Variants in SHD observed in about 807,000 individuals in gnomAD.
SHD encodes the protein Src homology 2 domain containing transforming protein D.
Under a neutral mutation model 31.2 loss-of-function variants are expected in SHD, and 29 were observed. The observed-to-expected ratio is 0.93, with a 90% confidence interval of 0.69 to 1.27. The LOEUF (loss-of-function observed/expected upper bound fraction) is 1.27, where lower values mean the gene tolerates loss of function less well. Among genes scored for constraint, SHD ranks in the 50% most tolerant of loss-of-function variants. SHD has a pLI of 0.00. For missense variants in SHD, 520 were observed against 453.8 expected (o/e 1.15, Z -1.33); for synonymous variants, 208 against 187.8 (o/e 1.11, Z -0.88).
Position 4,280,040 on chromosome 19 carries a change from C to T in SHD, c.-24C>T, listed in dbSNP as rs1394102094. 1 of 1,570,378 alleles carries T rather than the reference C, an allele frequency of 6.4e-7. No homozygotes were observed. Among genetic ancestry groups the T allele is most frequent in the East Asian group, 2.3e-5 (1 of 43,500 alleles). Reference sequence around the variant, plus strand: ...ATGTGGGGGCCCCTCTGACAGTGGCCCGATTGGGGTGACAGGCGCCCAAAT... The same window carrying T: ...ATGTGGGGGCCCCTCTGACAGTGGCTCGATTGGGGTGACAGGCGCCCAAAT... On this transcript the variant is annotated 5_prime_UTR_variant, in exon 1 of 6. Coordinates refer to ENST00000543264, the MANE Select transcript of SHD (RefSeq NM_020209.4).
chr19:4,286,669 G>GC (rs1971322077), intron 4 of SHD, among the ~76,000 whole-genome samples: 1 of 152,048 alleles, frequency 6.6e-6, no homozygotes, highest in African/African-American at 2.4e-5. Flanking sequence ...GGAGGCCGGG[G>GC]TGGGCAGATC....
chr19:4,286,201 TTTTTCTTTCTTTCTTTCTTTCTTTCTTTC>T (rs1971308445), intron 4 of SHD, among the ~76,000 whole-genome samples: 3 of 112,202 alleles, frequency 2.7e-5, no homozygotes, highest in African/African-American at 4.2e-5. Context: ...CCGCTCTTTC[TTTTTCTTTCTTTCTTTCTTTCTTTCTTTC>T]TTTTCTTTCT....
chr19:4,279,737 G>A lies in SHD; in HGVS notation c.-327G>A. 1 of 266,246 alleles carries A rather than the reference G, an allele frequency of 3.8e-6. No homozygotes were observed. Among genetic ancestry groups the A allele is most frequent in the South Asian group, 1.3e-4 (1 of 7,902 alleles). 16.5% of individuals were successfully genotyped at this position (266,246 alleles called of 1,614,324 possible). ...CGCGCTGCCCGCGGAAACTCCGCGC[G>A]CCTCCGCGGATGCCCCTCGCCCTAG... On this transcript the variant is annotated 5_prime_UTR_variant, in exon 1 of 6. Transcript: ENST00000543264. The surrounding 1 kb of genome is among the most constrained non-coding windows in gnomAD (Gnocchi z 7.5).
At chr19:4,288,484 G>A (rs1971343904) in intron 5 of SHD, 122 bp downstream of exon 5, 1 of 1,228,298 alleles carries the variant, frequency 8.1e-7, no homozygotes, top group Middle Eastern at 2.1e-4. Context: ...TTCCAGGTCA[G>A]TGGGTGGGAC....
At position 4,290,685 on chromosome 19, in the gene SHD, A is replaced by T. The variant is rs757917272; in HGVS notation, c.*52A>T. 5.3e-6 allele frequency: 8 copies of T among 1,509,862 alleles called. No individual in the cohort carries two copies. In the Admixed American group the frequency reaches 1.7e-4, roughly 33 times the overall value. The allele number at this position is 1,509,862 out of a possible 1,614,324, so 93.5% of individuals were successfully genotyped here. On this transcript the variant is annotated 3_prime_UTR_variant, in exon 6 of 6. Coordinates refer to ENST00000543264, the MANE Select transcript of SHD (RefSeq NM_020209.4). ...CCTCGGGCCCAGAATCGTATCCCAA[A>T]GCCCTCCCATGGCCTAGAAAATAAA...
At chr19:4,281,431 A>AG (rs1971255275) in intron 1 of SHD, among the ~76,000 whole-genome samples, 2 of 126,170 alleles carry the variant, frequency 1.6e-5, no homozygotes, top group Non-Finnish European at 1.6e-5. Flanking sequence ...CCTGGGTGAC[A>AG]GAGCAACACC....
chr19:4,283,346 G>A (rs939734753), intron 3 of SHD, 104 bp downstream of exon 3: 2 of 1,200,318 alleles, frequency 1.7e-6, no homozygotes, highest in African/African-American at 3.1e-5. Flanking sequence ...CCAATTACTT[G>A]TCACTTTTGT....
intron 1 of SHD, among the ~76,000 whole-genome samples, 193 bp from the exon 2 acceptor site, chr19:4,282,677 C>G (rs945349586): frequency 6.6e-6 from 1 of 152,034 alleles, no homozygotes; most frequent in Non-Finnish European, 1.5e-5. Flanking sequence ...GATCCCGCCA[C>G]TGCACTCCAG....
At position 4,283,115 on chromosome 19, in the gene SHD, A is replaced by G. The variant is rs762979121; in HGVS notation, c.465A>G (p.Thr155=). 2.5e-6 allele frequency: 4 copies of G among 1,614,020 alleles called. No individual in the cohort carries two copies. The highest frequency in any genetic ancestry group is 3.4e-6 in the Non-Finnish European group (4 of 1,180,010). Residue 155 remains threonine, a synonymous_variant, in exon 3 of 6, where the codon ACA becomes ACG. Coordinates refer to ENST00000543264, the MANE Select transcript of SHD (RefSeq NM_020209.4). The stretch of plus-strand genomic sequence containing the variant: ...CTTATGAGGAACAGGACCCAGAGAC[A>G]GCAGATGGACCCCCTTCTGGGCAGA... ...DTPYEEQDPE[T]ADGPPSGQKP...
rs1408289291 is a variant in SHD at position 4,280,072 on chromosome 19, G to A, written c.9G>A (p.Lys3=). 1.2e-6 allele frequency: 2 copies of A among 1,602,848 alleles called. No individual in the cohort carries two copies. The highest frequency in any genetic ancestry group is 2.2e-5 in the South Asian group (2 of 90,004). The part of the protein sequence containing the change: MA[K]WLRDYLSFGG... ...GGGTGACAGGCGCCCAAATGGCCAA[G>A]TGGCTACGGGACTACCTGAGCTTTG... The change falls in exon 1 of 6, where the codon AAG becomes AAA. Residue 3 remains lysine, a synonymous_variant. Transcript: ENST00000543264.
rs1971235533 is a variant in SHD at position 4,279,738 on chromosome 19, C to T, written c.-326C>T. 3.7e-6 allele frequency: 1 copy of T among 273,674 alleles called. No individual in the cohort carries two copies. Among genetic ancestry groups the T allele is most frequent in the South Asian group, 1.2e-4 (1 of 8,370 alleles). The allele number at this position is 273,674 out of a possible 1,614,324, so 17.0% of individuals were successfully genotyped here. A position where few individuals can be genotyped will look rare whatever the true frequency, so the allele number is the denominator to read the frequency against. On this transcript the variant is annotated 5_prime_UTR_variant, in exon 1 of 6. Transcript: ENST00000543264. The surrounding 1 kb of genome is among the most constrained non-coding windows in gnomAD (Gnocchi z 7.5). Reference sequence around the variant, plus strand: ...GCGCTGCCCGCGGAAACTCCGCGCGCCTCCGCGGATGCCCCTCGCCCTAGC... The same window carrying T: ...GCGCTGCCCGCGGAAACTCCGCGCGTCTCCGCGGATGCCCCTCGCCCTAGC...
chr19:4,286,231 T>TTCC (rs1971311092), intron 4 of SHD, among the ~76,000 whole-genome samples: 2 of 50,000 alleles, frequency 4.0e-5, no homozygotes, highest in African/African-American at 1.5e-4. Context: ...TCTTTCTTTC[T>TTCC]TTTCTTTCTT....
intron 1 of SHD, 119 bp from the exon 2 acceptor site, chr19:4,282,751 A>G (rs979702933): frequency 4.4e-6 from 2 of 451,994 alleles, no homozygotes; most frequent in Admixed American, 4.4e-5. Context: ...ATAAATAATA[A>G]AAAAATAAAA....
At chr19:4,282,615 C>G (rs1172339787) in intron 1 of SHD, among the ~76,000 whole-genome samples, 4 of 151,874 alleles carry the variant, frequency 2.6e-5, no homozygotes, top group Non-Finnish European at 5.9e-5. Context: ...ACTCGGGAGG[C>G]TGAGGCAGGA....
At chr19:4,283,013 C>G (rs965557092) in intron 2 of SHD, 38 bp downstream of exon 2, 2 of 1,613,920 alleles carry the variant, frequency 1.2e-6, no homozygotes, top group African/African-American at 2.7e-5. Flanking sequence ...GACAGGGTCC[C>G]AGATGGGAGC....
chr19:4,285,039 C>A, intron 4 of SHD, 135 bp downstream of exon 4: 1 of 1,140,596 alleles, frequency 8.8e-7, no homozygotes, highest in Non-Finnish European at 1.2e-6. Flanking sequence ...CTTATTTCTT[C>A]AGCTAATCTT....
At position 4,279,974 on chromosome 19, in the gene SHD, A is replaced by G. The variant is rs993836422; in HGVS notation, c.-90A>G. On this transcript the variant is annotated 5_prime_UTR_variant, in exon 1 of 6. Transcript: ENST00000543264. This position sits in a 1 kb window ranked among gnomAD's most constrained non-coding sequence, Gnocchi z 7.5. ...CTTCCCTGCTCTTCCCTTCCTCTCC[A>G]CCTCCTCCTCCTCCTTGGGGAAAGG... The G allele has an allele frequency of 1.4e-6, 2 of 1,399,896 alleles. No individual in the cohort carries two copies. 86.7% of individuals were successfully genotyped at this position (1,399,896 alleles called of 1,614,324 possible).
At chr19:4,288,505 A>C in intron 5 of SHD, 143 bp downstream of exon 5, 1 of 624,412 alleles carries the variant, frequency 1.6e-6, no homozygotes, top group Non-Finnish European at 2.4e-6. Flanking sequence ...TTCTAGGAGA[A>C]GGGGTGGGAG....
In SHD at chr19:4,288,338, C is replaced by G; in HGVS notation, c.812C>G (p.Pro271Arg). 1 of 1,613,506 alleles carries G rather than the reference C, an allele frequency of 6.2e-7. No homozygotes were observed. The highest frequency in any genetic ancestry group is 8.5e-7 in the Non-Finnish European group (1 of 1,179,766). Reference protein sequence around the residue: ...SYLVRLSETNPQDCSLSLRSS... With the variant: ...SYLVRLSETNRQDCSLSLRSS... ...CTAGTGCGGCTCAGTGAGACCAACC[C>G]CCAGGACTGCTCCTTGTCTCTCAGG... The change falls in exon 5 of 6, where the codon CCC becomes CGC. Residue 271 changes from proline (P) to arginine (R), a missense_variant. By Grantham distance (103) the Pro-to-Arg change is moderately radical. Coordinates refer to ENST00000543264, the MANE Select transcript of SHD (RefSeq NM_020209.4).
Sources: allele counts gnomAD v4.1 joint callset (sites outside exome capture counted in the v4.1 genomes callset), GRCh38; gene constraint gnomAD v4.1.1; non-coding constraint Gnocchi (gnomAD v3.1); transcripts MANE v1.5; gene names NCBI Gene and HGNC (gene_info 2026-07-23, HGNC 2026-07-21).